IMPG2: variants seen among roughly 807,000 people sequenced by gnomAD.
IMPG2 encodes the protein IPM 200.
IMPG2 carries 91 observed loss-of-function variants against 129.2 expected under a neutral mutation model. The observed-to-expected ratio is 0.70, with a 90% CI of 0.59 to 0.84. The LOEUF is 0.84. IMPG2 is among the 40% of genes least tolerant of loss of function. The probability of loss-of-function intolerance (pLI) is 0.00; values close to 1 mark genes in which losing one functional copy is unlikely to be tolerated. For missense variants in IMPG2, 1,430 were observed against 1,461.7 expected (o/e 0.98, Z 0.35); for synonymous variants, 510 against 517.7 (o/e 0.99, Z 0.20).
At chr3:101,269,926 C>CCT (rs1706762845) in intron 7 of IMPG2, among the ~76,000 whole-genome samples, 1 of 106,980 alleles carries the variant, frequency 9.3e-6, no homozygotes, top group South Asian at 3.2e-4. Context: ...TTATTTTATT[C>CCT]TTTTTTTTTT....
intron 9 of IMPG2, among the ~76,000 whole-genome samples, chr3:101,264,333 C>A (rs939054063): frequency 6.6e-6 from 1 of 151,816 alleles, no homozygotes; most frequent in African/African-American, 2.4e-5. Context: ...TCCAATAGCC[C>A]CTCAAAAAGA....
intron 10 of IMPG2, among the ~76,000 whole-genome samples, chr3:101,256,141 AAAGAAAAGAAAGAAAGAAAG>A (rs1163305119): frequency 3.5e-5 from 5 of 144,066 alleles, no homozygotes; most frequent in African/African-American, 1.1e-4. Flanking sequence ...AGAAAGAAAG[AAAGAAAAGAAAGAAAGAAAG>A]AAAGAAAGAA....
At position 101,226,227 on chromosome 3, in the gene IMPG2, A is replaced by ATATGTATATG. The variant is rs1706220802; in HGVS notation, c.*741_*742insCATATACATA. 6.2e-4 allele frequency: 1 copy of ATATGTATATG among 1,604 alleles called. No homozygotes were observed. Among genetic ancestry groups the ATATGTATATG allele is most frequent in the African/African-American group, 1.6e-3 (1 of 618 alleles). The allele number at this position is 1,604 out of a possible 1,614,324, so 0.1% of individuals were successfully genotyped here. On this transcript the variant is annotated 3_prime_UTR_variant, in exon 19 of 19. Coordinates refer to ENST00000193391, the MANE Select transcript of IMPG2 (RefSeq NM_016247.4). ...GATTAATGGGAATCTTCTAAACTTTATATATATATATATATATATATATAT... is the reference window on the plus strand; with the variant it reads ...GATTAATGGGAATCTTCTAAACTTTATATGTATATGTATATATATATATATATATATATAT...
At chr3:101,234,701 G>A (rs1251601859) in intron 14 of IMPG2, among the ~76,000 whole-genome samples, 1 of 152,192 alleles carries the variant, frequency 6.6e-6, no homozygotes, top group Admixed American at 6.5e-5. Context: ...TTACCCAGCA[G>A]TGAGGGATAG....
Position 101,230,964 on chromosome 3 carries a change from G to A in IMPG2, c.3415C>T (p.Pro1139Ser), listed in dbSNP as rs1183768943. The change falls in exon 16 of 19, where the codon CCC (proline) becomes TCC (serine). Residue 1139 changes from proline (P) to serine (S), a missense_variant. Pro to Ser is a moderately conservative substitution (Grantham distance 74). Coordinates refer to ENST00000193391, the MANE Select transcript of IMPG2 (RefSeq NM_016247.4). ...GCTCTTTTCCTTATTTACCTGAAGG[G>A]ACTCTCTCTTTCACTCCTGTCATGG... ...AHHDRSERES[P>S]FSGSSRQPDS... The A allele has an allele frequency of 6.2e-7, 1 of 1,611,412 alleles. No individual in the cohort carries two copies. The highest frequency in any genetic ancestry group is 8.5e-7 in the Non-Finnish European group (1 of 1,177,566).
At chr3:101,239,574 A>G (rs1706383952) in intron 14 of IMPG2, among the ~76,000 whole-genome samples, 1 of 152,140 alleles carries the variant, frequency 6.6e-6, no homozygotes, top group Non-Finnish European at 1.5e-5. Context: ...TGCTGCCTAT[A>G]TACCCAAAGG....
chr3:101,268,326 T>G (rs1472075108), intron 8 of IMPG2, among the ~76,000 whole-genome samples: 1 of 151,628 alleles, frequency 6.6e-6, no homozygotes, highest in Non-Finnish European at 1.5e-5. Context: ...ATAAGGGAGG[T>G]CTTCAAAGGC....
intron 18 of IMPG2, among the ~76,000 whole-genome samples, chr3:101,228,536 G>A (rs980964593): frequency 1.3e-5 from 2 of 152,152 alleles, no homozygotes; most frequent in Non-Finnish European, 2.9e-5. Context: ...GGCTATCACT[G>A]TCATCTTAAG....
chr3:101,300,385 G>A (rs2107134156), intron 3 of IMPG2, among the ~76,000 whole-genome samples: 1 of 152,358 alleles, frequency 6.6e-6, no homozygotes, highest in East Asian at 1.9e-4. Flanking sequence ...AGTTCAAAGG[G>A]CTTAGACAGC....
At position 101,242,702 on chromosome 3, in the gene IMPG2, A is replaced by G. The variant is rs1706422909; in HGVS notation, c.3008T>C (p.Leu1003Pro). Reference protein sequence around the residue: ...TMNLAIDKYSLDVESGDEANP... With the variant: ...TMNLAIDKYSPDVESGDEANP... The stretch of plus-strand genomic sequence containing the variant: ...CAATATCATACCTGATTCCACATCA[A>G]GAGAGTATTTATCAATAGCCAAGTT... Residue 1003 changes from leucine (L) to proline (P), a missense_variant, in exon 14 of 19, where the codon CTT (leucine) becomes CCT (proline). Leu to Pro is a moderately conservative substitution (Grantham distance 98). Transcript: ENST00000193391. The G allele has an allele frequency of 1.2e-6, 2 of 1,611,680 alleles. No homozygotes were observed. Among genetic ancestry groups the G allele is most frequent in the Non-Finnish European group, 1.7e-6 (2 of 1,177,832 alleles).
At chr3:101,306,680 A>C (rs1179763333) in intron 2 of IMPG2, among the ~76,000 whole-genome samples, 1 of 151,868 alleles carries the variant, frequency 6.6e-6, no homozygotes, top group African/African-American at 2.4e-5. Flanking sequence ...GTTTGAAAAA[A>C]ATAACTATCT....
At chr3:101,258,674 C>T (rs921048538) in intron 9 of IMPG2, among the ~76,000 whole-genome samples, 2 of 152,072 alleles carry the variant, frequency 1.3e-5, no homozygotes, top group Non-Finnish European at 2.9e-5. Context: ...CTCCATCAAC[C>T]TTTCCACAAG....
At chr3:101,246,231 A>T (rs1706477056) in intron 11 of IMPG2, 126 bp from the exon 12 acceptor site, 1 of 838,020 alleles carries the variant, frequency 1.2e-6, no homozygotes, top group Non-Finnish European at 1.8e-6. Flanking sequence ...TATTAATAAT[A>T]TTAGGAGTAG....
intron 18 of IMPG2, 32 bp downstream of exon 18, chr3:101,228,765 G>C: frequency 1.3e-6 from 2 of 1,557,036 alleles, no homozygotes; most frequent in South Asian, 2.2e-5. Context: ...TAAGTCTGTA[G>C]GTCGGGGTGG....
At position 101,319,609 on chromosome 3, in the gene IMPG2, A is replaced by G. The variant is rs780612323; in HGVS notation, c.309T>C (p.Asn103=). 7 of 1,613,526 alleles carry G rather than the reference A, an allele frequency of 4.3e-6. No individual in the cohort carries two copies. In the African/African-American group the frequency reaches 8.0e-5, roughly 18 times the overall value. Residue 103 remains asparagine, a synonymous_variant, in exon 2 of 19, where the codon AAT becomes AAC. Transcript: ENST00000193391. The part of the protein sequence containing the change: ...PDESVAEAVA[N]HVKYFKVRVC... ...CTCGGACTTTAAAATACTTCACATG[A>G]TTTGCCACAGCCTCTGCAACACTTT... is the stretch of plus-strand genomic sequence containing the variant.
intron 6 of IMPG2, among the ~76,000 whole-genome samples, chr3:101,274,381 A>G (rs560320744): frequency 2.0e-5 from 3 of 152,276 alleles, no homozygotes; most frequent in Admixed American, 6.5e-5. Flanking sequence ...TAATGTTCCT[A>G]TGTTGCTCAG....
Position 101,226,190 on chromosome 3 carries a change from A to C in IMPG2, c.*779T>G, listed in dbSNP as rs893403619. On this transcript the variant is annotated 3_prime_UTR_variant, in exon 19 of 19. Transcript: ENST00000193391. ...CACTCCCTCCCTGCCCATGTGATTA[A>C]ATTTGTCTTTAGATTAATGGGAATC... 1 of 105,108 alleles carries C rather than the reference A, an allele frequency of 9.5e-6. No homozygotes were observed. Among genetic ancestry groups the C allele is most frequent in the African/African-American group, 3.6e-5 (1 of 27,800 alleles). The allele number at this position is 105,108 out of a possible 1,614,324, so 6.5% of individuals were successfully genotyped here. A position where few individuals can be genotyped will look rare whatever the true frequency, so the allele number is the denominator to read the frequency against.
chr3:101,226,958 A>T lies in IMPG2; in HGVS notation c.*11T>A. 3.1e-6 allele frequency: 5 copies of T among 1,613,420 alleles called. No homozygotes were observed. Among genetic ancestry groups the T allele is most frequent in the Non-Finnish European group, 4.2e-6 (5 of 1,179,460 alleles). ...CCAGGCTTCTAATCAGTTTCAGAAC[A>T]GGAGTTTTGGTTAAACCTCTTCCCT... On this transcript the variant is annotated 3_prime_UTR_variant, in exon 19 of 19. Transcript: ENST00000193391.
intron 7 of IMPG2, among the ~76,000 whole-genome samples, chr3:101,270,582 G>A (rs1706771777): frequency 1.3e-5 from 2 of 151,900 alleles, no homozygotes; most frequent in South Asian, 4.2e-4. Flanking sequence ...GGTGGATCAC[G>A]AGGTCAGGAG....
Sources: gnomAD v4.1 joint callset for allele counts (sites outside exome capture counted in the v4.1 genomes callset) on GRCh38, gnomAD v4.1.1 for gene constraint, MANE v1.5 for transcripts, NCBI Gene and HGNC (gene_info 2026-07-23, HGNC 2026-07-21) for gene names.